DEFB1: variants seen among roughly 807,000 people sequenced by gnomAD.
The protein encoded by DEFB1 is beta-defensin 1.
DEFB1 carries 4 observed loss-of-function variants against 2.6 expected under a neutral mutation model. The ratio of observed to expected loss-of-function variants is 1.53; its 90% CI spans 0.76 to 3.51. DEFB1 has a LOEUF of 3.51. Ranked by LOEUF, DEFB1 falls within the 30% of genes most tolerant of loss-of-function variation. The pLI is 0.01. For missense variants in DEFB1, 162 were observed against 76.9 expected, an observed-to-expected ratio of 2.11 and a Z score of -4.14; for synonymous variants, 56 against 28.5, an observed-to-expected ratio of 1.96 and a Z score of -3.07.
chr8:6,874,217 T>A (rs907069496), intron 1 of DEFB1, among the ~76,000 whole-genome samples: 3 of 151,946 alleles, frequency 2.0e-5, no homozygotes, highest in African/African-American at 7.3e-5. Context: ...GGTCAAGATT[T>A]GAGAGAAAGA....
At position 6,873,517 on chromosome 8, in the gene DEFB1, C is replaced by A. The variant is rs5743473; in HGVS notation, c.62-2691G>T. The stretch of plus-strand genomic sequence containing the variant: ...CTCAAATTTAAAACGGAGGAGACTA[C>A]GCAGCCATAAAAAAGAATGAAGGTG... On this transcript the variant is annotated intron_variant, in intron 1 of 1. Transcript: ENST00000297439. Among the ~76,000 whole-genome samples the A allele has an allele frequency of 1.4e-3, 208 of 152,298 alleles. 1 individual carries two copies. The highest frequency in any genetic ancestry group is 5.0e-3 in the African/African-American group (207 of 41,564).
rs752042487 is a variant in DEFB1 at position 6,877,902 on chromosome 8, G to C, written c.-45C>G. The C allele has an allele frequency of 7.6e-6, 12 of 1,579,642 alleles. No individual in the cohort carries two copies. In the South Asian group the frequency reaches 1.1e-4, roughly 15 times the overall value. On this transcript the variant is annotated 5_prime_UTR_variant, in exon 1 of 2. Coordinates refer to ENST00000297439, the MANE Select transcript of DEFB1 (RefSeq NM_005218.4). ...CCAGGATTTCAGGAACTGGGGAGAC[G>C]CTGGCTCCTTTGGAGGCTGAGCTGA...
At chr8:6,872,923 C>T (rs149940132) in intron 1 of DEFB1, among the ~76,000 whole-genome samples, 7 of 152,118 alleles carry the variant, frequency 4.6e-5, no homozygotes, top group African/African-American at 7.2e-5. Context: ...CTCCAACCCA[C>T]ACTGCGAAAG....
chr8:6,874,477 C>T (rs1159354930), intron 1 of DEFB1, among the ~76,000 whole-genome samples: 5 of 152,142 alleles, frequency 3.3e-5, no homozygotes, highest in African/African-American at 1.2e-4. Flanking sequence ...AGCCAAGACA[C>T]ATTTGGAAAA....
chr8:6,871,443 G>A (rs912281813), intron 1 of DEFB1, among the ~76,000 whole-genome samples: 4 of 152,098 alleles, frequency 2.6e-5, no homozygotes, highest in African/African-American at 9.7e-5. Flanking sequence ...CTCTGGAATA[G>A]CCTTCTATTC....
chr8:6,872,432 C>G (rs5743481), intron 1 of DEFB1, among the ~76,000 whole-genome samples: 2 of 152,064 alleles, frequency 1.3e-5, no homozygotes, highest in African/African-American at 4.8e-5. Context: ...CACTGCAGAA[C>G]GTTTTATTCA....
chr8:6,873,308 G>A (rs1806391231), intron 1 of DEFB1, among the ~76,000 whole-genome samples: 1 of 152,224 alleles, frequency 6.6e-6, no homozygotes, highest in African/African-American at 2.4e-5. Context: ...CTGGTTGACT[G>A]TGGTGTCACG....
At chr8:6,876,183 TA>T (rs572888527) in intron 1 of DEFB1, among the ~76,000 whole-genome samples, 1 of 152,074 alleles carries the variant, frequency 6.6e-6, no homozygotes, top group African/African-American at 2.4e-5. Flanking sequence ...TCTATTCCTT[TA>T]AAAAAACATG....
Position 6,870,772 on chromosome 8 carries a change from C to T in DEFB1, c.116G>A (p.Ser39Asn), listed in dbSNP as rs758054489. 2 of 1,614,128 alleles carry T rather than the reference C, an allele frequency of 1.2e-6. No homozygotes were observed. Among genetic ancestry groups the T allele is most frequent in the Non-Finnish European group, 1.7e-6 (2 of 1,180,052 alleles). ...GHRSDHYNCV[S>N]SGGQCLYSAC... ...AGAATAGAGACATTGCCCTCCACTG[C>T]TGACGCAATTGTAATGATCAGATCT... The change falls in exon 2 of 2, where the codon AGC becomes AAC. Residue 39 changes from serine (S) to asparagine (N), a missense_variant. By Grantham distance (46) the Ser-to-Asn change is conservative. Transcript: ENST00000297439.
chr8:6,875,869 AAAG>A (rs10543366), intron 1 of DEFB1, among the ~76,000 whole-genome samples: 124,899 of 151,852 alleles, frequency 0.82, 51,588 homozygotes, highest in Middle Eastern at 0.89. Flanking sequence ...GCAAAAGTGT[AAAG>A]AATATGAAAA....
At position 6,877,924 on chromosome 8, in the gene DEFB1, C is replaced by G; in HGVS notation, c.-67G>C. ...GACGCTGGCTCCTTTGGAGGCTGAG[C>G]TGACAGAGGCTTCCAGAGGCTGGAG... On this transcript the variant is annotated 5_prime_UTR_variant, in exon 1 of 2. Transcript: ENST00000297439. The G allele has an allele frequency of 7.0e-7, 1 of 1,429,486 alleles. No individual in the cohort carries two copies. Among genetic ancestry groups the G allele is most frequent in the Non-Finnish European group, 9.9e-7 (1 of 1,012,922 alleles). The allele number at this position is 1,429,486 out of a possible 1,614,324, so 88.6% of individuals were successfully genotyped here.
At chr8:6,875,083 C>G (rs1427632608) in intron 1 of DEFB1, among the ~76,000 whole-genome samples, 2 of 150,986 alleles carry the variant, frequency 1.3e-5, no homozygotes, top group Non-Finnish European at 3.0e-5. Context: ...CACACACACA[C>G]ACACACACAC....
intron 1 of DEFB1, among the ~76,000 whole-genome samples, chr8:6,872,297 T>G (rs897595086): frequency 3.9e-5 from 6 of 152,208 alleles, no homozygotes; most frequent in African/African-American, 1.4e-4. Flanking sequence ...GGCAGCCACA[T>G]GCTCCCTGTG....
chr8:6,877,715 G>A (rs1364578508), intron 1 of DEFB1, 82 bp downstream of exon 1: 18 of 1,275,868 alleles, frequency 1.4e-5, no homozygotes, highest in Admixed American at 1.2e-4. Context: ...CTTGGGACAC[G>A]GAGGCAGCCA....
At chr8:6,874,948 C>T (rs942587124) in intron 1 of DEFB1, among the ~76,000 whole-genome samples, 2 of 150,922 alleles carry the variant, frequency 1.3e-5, no homozygotes, top group African/African-American at 2.4e-5. Context: ...TGCCACTGCA[C>T]TACAGCCTGG....
At chr8:6,873,534 A>G (rs1806400787) in intron 1 of DEFB1, among the ~76,000 whole-genome samples, 1 of 152,222 alleles carries the variant, frequency 6.6e-6, no homozygotes, top group Admixed American at 6.5e-5. Flanking sequence ...ATAAAAAAGA[A>G]TGAAGGTGTG....
rs1168983437 is a variant in DEFB1, at chr8:6,870,841, C to G, written c.62-15G>C. The G allele has an allele frequency of 6.2e-7, 1 of 1,606,930 alleles. No homozygotes were observed. Among genetic ancestry groups the G allele is most frequent in the Non-Finnish European group, 8.5e-7 (1 of 1,176,884 alleles). On this transcript the variant is annotated splice_polypyrimidine_tract_variant and intron_variant, in intron 1 of 1. Coordinates refer to ENST00000297439, the MANE Select transcript of DEFB1 (RefSeq NM_005218.4). ...AAAGTTACCACCTGTAAGGAGGGAA[C>G]ACAAACACTTCAGACTCATGGCTTG...
chr8:6,874,854 C>A (rs1005104063), intron 1 of DEFB1, among the ~76,000 whole-genome samples: 1 of 151,844 alleles, frequency 6.6e-6, no homozygotes, highest in Non-Finnish European at 1.5e-5. Context: ...TGGTGACAGG[C>A]GCCTGTAATC....
At chr8:6,876,107 C>G (rs1022716489) in intron 1 of DEFB1, among the ~76,000 whole-genome samples, 18 of 152,088 alleles carry the variant, frequency 1.2e-4, no homozygotes, top group African/African-American at 4.3e-4. Context: ...ATGCACACAC[C>G]CCAAACTGAA....
Sources: gnomAD v4.1 joint callset for allele counts (sites outside exome capture counted in the v4.1 genomes callset) on GRCh38, gnomAD v4.1.1 for gene constraint, MANE v1.5 for transcripts, NCBI Gene and HGNC (gene_info 2026-07-23, HGNC 2026-07-21) for gene names.